RASSF8: variants seen among roughly 807,000 people sequenced by gnomAD.
RASSF8 encodes the protein Ras association domain family member 8, also known as ras association domain-containing protein 8.
Under a neutral mutation model 48.5 loss-of-function variants are expected in RASSF8, and 22 were observed. That is an observed-to-expected ratio of 0.45 (90% confidence interval 0.32 to 0.65). The LOEUF is 0.65. Ranked by LOEUF, RASSF8 falls within the 30% of genes least tolerant of loss-of-function variation. RASSF8 has a pLI of 0.03. For missense variants in RASSF8, 418 were observed against 489.2 expected, an observed-to-expected ratio of 0.85 and a Z score of 1.37; for synonymous variants, 127 against 171.5, an observed-to-expected ratio of 0.74 and a Z score of 2.03.
At chr12:25,962,335 A>G (rs1234684138) in intron 1 of RASSF8, among the ~76,000 whole-genome samples, 1 of 152,144 alleles carries the variant, frequency 6.6e-6, no homozygotes, top group Non-Finnish European at 1.5e-5. Context: ...TTTCTCATAA[A>G]GGTCTTCTCT....
chr12:25,979,919 G>A (rs982410142), intron 1 of RASSF8, among the ~76,000 whole-genome samples: 1 of 152,198 alleles, frequency 6.6e-6, no homozygotes, highest in Non-Finnish European at 1.5e-5. Context: ...TAGCAGGTAG[G>A]GAAGGCAGCT....
chr12:26,057,106 G>GTGTT (rs1555169458), intron 3 of RASSF8, among the ~76,000 whole-genome samples: 2 of 130,750 alleles, frequency 1.5e-5, no homozygotes, highest in Non-Finnish European at 3.6e-5. Flanking sequence ...ACTTTTGTGT[G>GTGTT]TGTGTGTGTG....
At chr12:26,012,040 T>A (rs1374867390) in intron 2 of RASSF8, among the ~76,000 whole-genome samples, 1 of 152,194 alleles carries the variant, frequency 6.6e-6, no homozygotes, top group South Asian at 2.1e-4. Context: ...TTGAAACAAT[T>A]AGGTACAATG....
At chr12:25,968,128 A>G (rs1461626903) in intron 1 of RASSF8, among the ~76,000 whole-genome samples, 1 of 151,974 alleles carries the variant, frequency 6.6e-6, no homozygotes, top group South Asian at 2.1e-4. Flanking sequence ...TGCTTCTACT[A>G]CTTCACCTGC....
In RASSF8 at chr12:26,070,569, CT is replaced by C. The variant is rs1943977250; in HGVS notation, c.*1752del. On this transcript the variant is annotated 3_prime_UTR_variant, in exon 6 of 6. Transcript: ENST00000689635. ...AATAACCACAACCTGTACACATTTG[CT>C]CACAATTTATAGTAGTTATTTTCTA... 1 of 977,376 alleles carries C rather than the reference CT, an allele frequency of 1.0e-6. No individual in the cohort carries two copies. The highest frequency in any genetic ancestry group is 6.2e-5 in the Admixed American group (1 of 16,228). The allele number at this position is 977,376 out of a possible 1,614,324, so 60.5% of individuals were successfully genotyped here.
At chr12:25,980,228 T>C (rs1941707858) in intron 1 of RASSF8, among the ~76,000 whole-genome samples, 1 of 152,232 alleles carries the variant, frequency 6.6e-6, no homozygotes, top group Non-Finnish European at 1.5e-5. Flanking sequence ...TGTTGTTCTT[T>C]GGCTAGGTGG....
At chr12:25,972,252 A>AT (rs1941502027) in intron 1 of RASSF8, among the ~76,000 whole-genome samples, 1 of 152,224 alleles carries the variant, frequency 6.6e-6, no homozygotes, top group Non-Finnish European at 1.5e-5. Flanking sequence ...AGTACTGACC[A>AT]TATTCAGGAG....
At position 26,064,668 on chromosome 12, in the gene RASSF8, A is replaced by G. The variant is rs751684073; in HGVS notation, c.274A>G (p.Ser92Gly). ...TCTCAGTGAGCGACCCACTTCAGAC[A>G]GTGTGGCTCGAATTCCTGAAAGAAC... ...PSLSERPTSDSVARIPERTLY... is the reference protein window; with the variant it reads ...PSLSERPTSDGVARIPERTLY... Residue 92 changes from serine to glycine, a missense_variant, in exon 4 of 6, where the codon AGT becomes GGT. By Grantham distance (56) the Ser-to-Gly change is moderately conservative. Transcript: ENST00000689635. 5 of 1,613,982 alleles carry G rather than the reference A, an allele frequency of 3.1e-6. No homozygotes were observed. The highest frequency in any genetic ancestry group is 4.2e-6 in the Non-Finnish European group (5 of 1,179,978).
intron 1 of RASSF8, among the ~76,000 whole-genome samples, chr12:25,991,437 C>T (rs1385825979): frequency 1.3e-5 from 2 of 151,158 alleles, no homozygotes; most frequent in South Asian, 2.1e-4. Flanking sequence ...TTTGAACTCT[C>T]ACCTAGTTTC....
chr12:26,045,171 T>C (rs966106911), intron 2 of RASSF8, among the ~76,000 whole-genome samples: 7 of 152,202 alleles, frequency 4.6e-5, no homozygotes, highest in Admixed American at 6.5e-5. Context: ...TTTTTTGTTC[T>C]CTATGAACTG....
chr12:25,994,979 T>G (rs941689286), intron 1 of RASSF8, 58 bp from the exon 2 acceptor site: 1 of 152,160 alleles, frequency 6.6e-6, no homozygotes, highest in Admixed American at 6.5e-5. Context: ...ATGGAATGAT[T>G]TAGTATTTTT....
chr12:26,040,057 C>G (rs1943231435), intron 2 of RASSF8, among the ~76,000 whole-genome samples: 1 of 152,156 alleles, frequency 6.6e-6, no homozygotes, highest in South Asian at 2.1e-4. Context: ...TGATTAATCT[C>G]TCAGCGCCAT....
chr12:26,051,210 T>G (rs562576715), intron 2 of RASSF8, among the ~76,000 whole-genome samples: 46 of 152,304 alleles, frequency 3.0e-4, no homozygotes, highest in Non-Finnish European at 4.9e-4. Flanking sequence ...TTGTGAGGAA[T>G]AAATGAAACA....
At chr12:26,051,924 C>T (rs770230746) in intron 2 of RASSF8, among the ~76,000 whole-genome samples, 10 of 152,160 alleles carry the variant, frequency 6.6e-5, no homozygotes, top group African/African-American at 9.7e-5. Flanking sequence ...CTCAGAAACC[C>T]TGGACACCAC....
intron 2 of RASSF8, among the ~76,000 whole-genome samples, chr12:26,012,625 T>G (rs1942553553): frequency 6.6e-6 from 1 of 152,090 alleles, no homozygotes; most frequent in Non-Finnish European, 1.5e-5. Context: ...GGCCTATGAT[T>G]AGTATCCAGA....
At chr12:26,001,883 A>G (rs1942267346) in intron 2 of RASSF8, among the ~76,000 whole-genome samples, 1 of 152,246 alleles carries the variant, frequency 6.6e-6, no homozygotes, top group South Asian at 2.1e-4. Context: ...ATTTTCAAAT[A>G]TTATGCATTG....
chr12:26,062,897 A>G (rs1187204998), intron 3 of RASSF8, among the ~76,000 whole-genome samples: 4 of 152,168 alleles, frequency 2.6e-5, no homozygotes, highest in Non-Finnish European at 5.9e-5. Flanking sequence ...CTTATCTAGT[A>G]AGTAACTCAC....
At chr12:26,023,819 G>T (rs12298651) in intron 2 of RASSF8, among the ~76,000 whole-genome samples, 1,581 of 152,216 alleles carry the variant, frequency 0.01, 29 homozygotes, top group African/African-American at 0.03. Context: ...TCAAAAGATG[G>T]AGATGTAATA....
chr12:25,993,475 T>C (rs1169755247), intron 1 of RASSF8, among the ~76,000 whole-genome samples: 1 of 152,222 alleles, frequency 6.6e-6, no homozygotes, highest in Non-Finnish European at 1.5e-5. Context: ...GGAAGAGATT[T>C]TGATTTAGGT....
Sources: allele counts gnomAD v4.1 joint callset (sites outside exome capture counted in the v4.1 genomes callset), GRCh38; gene constraint gnomAD v4.1.1; transcripts MANE v1.5; gene names NCBI Gene and HGNC (gene_info 2026-07-23, HGNC 2026-07-21).